Variants in C10orf90 observed in about 807,000 individuals in gnomAD.
The protein encoded by C10orf90 is (E2-independent) E3 ubiquitin-conjugating enzyme FATS.
A neutral mutation model predicts 62.5 loss-of-function variants in C10orf90; 56 were observed. The ratio of observed to expected loss-of-function variants is 0.90; its 90% CI spans 0.72 to 1.12. The LOEUF is 1.12. Ranked by LOEUF, C10orf90 falls within the 50% of genes most tolerant of loss-of-function variation. C10orf90 has a pLI of 0.00. For synonymous variants in C10orf90, 386 were observed against 340.4 expected (o/e 1.13, Z -1.47); for missense variants, 970 against 880.4 (o/e 1.10, Z -1.29).
chr10:126,509,979 T>C (rs1862998209), intron 3 of C10orf90, among the ~76,000 whole-genome samples: 1 of 152,192 alleles, frequency 6.6e-6, no homozygotes, highest in South Asian at 2.1e-4. Flanking sequence ...GTTGGTTTCT[T>C]CTGAGGCCAC....
chr10:126,564,660 C>T lies in C10orf90; in HGVS notation c.314-50721G>A, dbSNP rs139184892. Among the ~76,000 whole-genome samples, 187 of 147,752 alleles carry T rather than the reference C, an allele frequency of 1.3e-3. 4 individuals are homozygous for T. The East Asian group carries it at 0.031, about 25-fold the overall frequency. ...TGGCCAGCCTTGCTCCACAGCCACC[C>T]AGACACACGACTGGCTTTGGGCTTC... is the stretch of plus-strand genomic sequence containing the variant. On this transcript the variant is annotated intron_variant, in intron 2 of 9. Coordinates refer to ENST00000488181, the MANE Select transcript of C10orf90 (RefSeq NM_001350921.2).
chr10:126,429,041 G>A (rs1026658709), intron 8 of C10orf90, among the ~76,000 whole-genome samples: 6 of 152,052 alleles, frequency 3.9e-5, no homozygotes, highest in South Asian at 4.2e-4. Context: ...CTTTAAGTGC[G>A]CTATCAATTT....
At chr10:126,615,072 C>G (rs982702212) in intron 2 of C10orf90, among the ~76,000 whole-genome samples, 3 of 152,180 alleles carry the variant, frequency 2.0e-5, no homozygotes, top group African/African-American at 7.2e-5. Flanking sequence ...TGCTGGAGCT[C>G]TCTTAGTGTT....
chr10:126,553,305 GAT>G (rs1864680874), intron 2 of C10orf90, among the ~76,000 whole-genome samples: 1 of 152,064 alleles, frequency 6.6e-6, no homozygotes, highest in South Asian at 2.1e-4. Context: ...ATAAGAAAAA[GAT>G]AGAAAACACA....
At chr10:126,460,734 C>G (rs1859918815) in intron 6 of C10orf90, among the ~76,000 whole-genome samples, 1 of 152,112 alleles carries the variant, frequency 6.6e-6, no homozygotes, top group Non-Finnish European at 1.5e-5. Context: ...CCCCTGGGTA[C>G]AGGAGCCAGC....
intron 2 of C10orf90, among the ~76,000 whole-genome samples, chr10:126,630,489 G>A (rs759957312): frequency 1.1e-4 from 17 of 152,112 alleles, no homozygotes; most frequent in Admixed American, 2.6e-4. Context: ...GGAGAAGAGC[G>A]CAGAGTGGGG....
At chr10:126,474,250 C>T (rs1409942053) in intron 4 of C10orf90, among the ~76,000 whole-genome samples, 3 of 152,200 alleles carry the variant, frequency 2.0e-5, no homozygotes, top group Non-Finnish European at 4.4e-5. Flanking sequence ...CATCTGCCTC[C>T]ATGACCACGG....
intron 1 of C10orf90, among the ~76,000 whole-genome samples, chr10:126,653,747 G>C (rs1276503666): frequency 6.6e-6 from 1 of 152,102 alleles, no homozygotes; most frequent in Non-Finnish European, 1.5e-5. Flanking sequence ...AGTTTGCTTT[G>C]CTCAGATTCA....
At chr10:126,521,225 C>T in intron 2 of C10orf90, 1 of 1,529,658 alleles carries the variant, frequency 6.5e-7, no homozygotes, top group Non-Finnish European at 9.0e-7. Flanking sequence ...AGAAGATACT[C>T]AGCGTGGACA....
At chr10:126,472,576 C>T (rs568299220) in intron 4 of C10orf90, among the ~76,000 whole-genome samples, 7 of 152,052 alleles carry the variant, frequency 4.6e-5, no homozygotes, top group Admixed American at 2.0e-4. Flanking sequence ...CCTTTCCTGG[C>T]GCCTAGCAGT....
chr10:126,630,030 T>A (rs2133828148), intron 2 of C10orf90, among the ~76,000 whole-genome samples: 1 of 152,260 alleles, frequency 6.6e-6, no homozygotes, highest in African/African-American at 2.4e-5. Context: ...TTGCTCATAT[T>A]TCTTTCCTCT....
At chr10:126,534,104 A>G (rs2133959071) in intron 2 of C10orf90, among the ~76,000 whole-genome samples, 1 of 152,258 alleles carries the variant, frequency 6.6e-6, no homozygotes, top group East Asian at 1.9e-4. Flanking sequence ...CCTCCCTTGG[A>G]ACTGCCAGCC....
At chr10:126,513,492 C>G (rs1158762705) in intron 3 of C10orf90, among the ~76,000 whole-genome samples, 1 of 152,176 alleles carries the variant, frequency 6.6e-6, no homozygotes, top group African/African-American at 2.4e-5. Context: ...ACCACTGACA[C>G]TTTTTGCAGT....
chr10:126,488,758 T>A (rs1861565301), intron 4 of C10orf90, among the ~76,000 whole-genome samples: 1 of 152,110 alleles, frequency 6.6e-6, no homozygotes, highest in Non-Finnish European at 1.5e-5. Context: ...GGCAAATCCC[T>A]TGAAAGACAC....
chr10:126,634,600 T>A (rs1340103856), intron 2 of C10orf90, among the ~76,000 whole-genome samples: 1 of 151,994 alleles, frequency 6.6e-6, no homozygotes, highest in Non-Finnish European at 1.5e-5. Context: ...TTAAAAAAAA[T>A]CTACTAAGAG....
intron 2 of C10orf90, among the ~76,000 whole-genome samples, chr10:126,585,635 G>T (rs1376393110): frequency 6.6e-6 from 1 of 152,132 alleles, no homozygotes; most frequent in African/African-American, 2.4e-5. Flanking sequence ...AAATGAGGAA[G>T]GGTAGGTCAG....
intron 4 of C10orf90, among the ~76,000 whole-genome samples, chr10:126,477,951 A>G (rs1860975607): frequency 6.6e-6 from 1 of 152,176 alleles, no homozygotes; most frequent in African/African-American, 2.4e-5. Flanking sequence ...AATCCCACCA[A>G]GCCCAGCTCT....
At chr10:126,580,652 CAA>C (rs58927719) in intron 2 of C10orf90, among the ~76,000 whole-genome samples, 11 of 134,916 alleles carry the variant, frequency 8.2e-5, no homozygotes, top group Admixed American at 1.5e-4. Flanking sequence ...GGCTCTGTCT[CAA>C]AAAAAAAAAA....
chr10:126,584,305 C>A (rs1844813969), intron 2 of C10orf90, among the ~76,000 whole-genome samples: 1 of 151,886 alleles, frequency 6.6e-6, no homozygotes, highest in East Asian at 1.9e-4. Context: ...TGCCTTTCCA[C>A]CTGCTCGTCC....
Sources: allele counts gnomAD v4.1 joint callset (sites outside exome capture counted in the v4.1 genomes callset), GRCh38; gene constraint gnomAD v4.1.1; transcripts MANE v1.5; gene names NCBI Gene and HGNC (gene_info 2026-07-23, HGNC 2026-07-21).